PAK4: variants seen among roughly 807,000 people sequenced by gnomAD.
PAK4 encodes the protein serine/threonine-protein kinase PAK 4.
Under a neutral mutation model 53.5 loss-of-function variants are expected in PAK4, and 49 were observed. That is an observed-to-expected ratio of 0.92 (90% CI 0.73 to 1.16). The LOEUF (loss-of-function observed/expected upper bound fraction) is 1.16, where lower values mean the gene tolerates loss of function less well. Ranked by LOEUF, PAK4 falls within the 50% of genes most tolerant of loss-of-function variation. The pLI is 0.00. For synonymous variants in PAK4, 376 were observed against 375.6 expected (o/e 1.00, Z -0.01); for missense variants, 824 against 850.7 (o/e 0.97, Z 0.39).
intron 1 of PAK4, among the ~76,000 whole-genome samples, chr19:39,138,680 C>T (rs1428813314): frequency 6.6e-6 from 1 of 152,234 alleles, no homozygotes; most frequent in Non-Finnish European, 1.5e-5. Context: ...CCATTCTCTG[C>T]TTCTTCCCTG....
intron 1 of PAK4, among the ~76,000 whole-genome samples, chr19:39,153,510 C>T (rs375953557): frequency 6.6e-6 from 1 of 152,192 alleles, no homozygotes; most frequent in African/African-American, 2.4e-5. Context: ...GGCACCATCT[C>T]GGCTCACTGC....
At position 39,175,957 on chromosome 19, in the gene PAK4, G is replaced by T. The variant is rs1288621094; in HGVS notation, c.1359+519G>T. On this transcript the variant is annotated intron_variant, in intron 6 of 8. Coordinates refer to ENST00000358301, the Ensembl canonical transcript of PAK4. This position sits in a 1 kb window ranked among gnomAD's most constrained non-coding sequence, Gnocchi z 4.7. ...AGATTAAGCCACACCATTAGTCCAG[G>T]CAGAGGCAGAGAGAGCTCTGTGTCA... is the stretch of plus-strand genomic sequence containing the variant. Among the ~76,000 whole-genome samples the T allele has an allele frequency of 6.6e-6, 1 of 152,234 alleles. No individual in the cohort carries two copies. The highest frequency in any genetic ancestry group is 1.5e-5 in the Non-Finnish European group (1 of 68,042).
intron 1 of PAK4, among the ~76,000 whole-genome samples, chr19:39,129,001 C>T (rs1488182878): frequency 6.6e-6 from 1 of 152,188 alleles, no homozygotes; most frequent in Admixed American, 6.5e-5. Flanking sequence ...CAGGGGCTGA[C>T]GACTGTTGTT....
chr19:39,139,204 G>A (rs184737715), intron 1 of PAK4, among the ~76,000 whole-genome samples: 1 of 152,316 alleles, frequency 6.6e-6, no homozygotes, highest in Admixed American at 6.5e-5. Context: ...TTAAAGGTCA[G>A]CACCTCTGGG....
intron 1 of PAK4, among the ~76,000 whole-genome samples, chr19:39,149,566 A>C (rs1351506542): frequency 6.6e-6 from 1 of 152,090 alleles, no homozygotes; most frequent in Non-Finnish European, 1.5e-5. Flanking sequence ...TTTAAAATAT[A>C]TGTATATAGG....
intron 1 of PAK4, among the ~76,000 whole-genome samples, chr19:39,141,761 G>A (rs1448735386): frequency 6.6e-6 from 1 of 151,994 alleles, no homozygotes; most frequent in Non-Finnish European, 1.5e-5. Context: ...TCAGCCTCCC[G>A]AGTAGCTGGG....
intron 1 of PAK4, among the ~76,000 whole-genome samples, chr19:39,147,424 A>T (rs1420739825): frequency 6.6e-6 from 1 of 152,008 alleles, no homozygotes; most frequent in African/African-American, 2.4e-5. Flanking sequence ...GGTTTTTCTA[A>T]TTTTTTGGCT....
intron 1 of PAK4, among the ~76,000 whole-genome samples, chr19:39,136,710 A>G (rs570438873): frequency 1.3e-5 from 2 of 152,208 alleles, no homozygotes; most frequent in East Asian, 1.9e-4. Flanking sequence ...GCCCCTTGCT[A>G]TGTTCTCAGG....
downstream of PAK4, chr19:39,179,418 T>A (rs781193264): frequency 2.3e-5 from 3 of 130,150 alleles, no homozygotes; most frequent in Non-Finnish European, 5.2e-5. Flanking sequence ...CTGTGTGCGA[T>A]GTGTGGGGGG....
chr19:39,155,022 T>C (rs692468), intron 1 of PAK4, among the ~76,000 whole-genome samples: 93,754 of 152,078 alleles, frequency 0.62, 29,139 homozygotes, highest in East Asian at 0.82. Flanking sequence ...CATCTGCCCT[T>C]GAGGAGTTGG....
At chr19:39,141,555 A>G (rs573226677) in intron 1 of PAK4, among the ~76,000 whole-genome samples, 1 of 151,986 alleles carries the variant, frequency 6.6e-6, no homozygotes, top group Non-Finnish European at 1.5e-5. Context: ...ACCTCAAGTG[A>G]TATAACCATC....
chr19:39,137,349 A>G (rs1256182320), intron 1 of PAK4, among the ~76,000 whole-genome samples: 4 of 151,878 alleles, frequency 2.6e-5, no homozygotes, highest in Admixed American at 2.6e-4. Context: ...TAGATCCGGG[A>G]AGCTCTTCAG....
At chr19:39,159,547 A>G (rs1259286000) in intron 1 of PAK4, among the ~76,000 whole-genome samples, 1 of 152,046 alleles carries the variant, frequency 6.6e-6, no homozygotes, top group East Asian at 1.9e-4. Flanking sequence ...CACCACGCCC[A>G]GCTAATTTTT....
intron 6 of PAK4, 43 bp from the exon 8 acceptor site, chr19:39,176,547 C>G: frequency 6.2e-7 from 1 of 1,612,630 alleles, no homozygotes; most frequent in East Asian, 2.2e-5. Flanking sequence ...CGCCCTCCTG[C>G]TGTGCCAGCT....
At chr19:39,140,780 T>G (rs2073896734) in intron 1 of PAK4, among the ~76,000 whole-genome samples, 2 of 152,168 alleles carry the variant, frequency 1.3e-5, no homozygotes, top group African/African-American at 4.8e-5. Flanking sequence ...CACAGCATCC[T>G]CTGACCTTGG....
At chr19:39,150,024 C>G (rs2074067336) in intron 1 of PAK4, among the ~76,000 whole-genome samples, 1 of 152,098 alleles carries the variant, frequency 6.6e-6, no homozygotes. Context: ...GGTTATACAA[C>G]ATTGTGGATA....
intron 1 of PAK4, among the ~76,000 whole-genome samples, chr19:39,128,989 A>G (rs1178343196): frequency 6.6e-6 from 1 of 152,270 alleles, no homozygotes; most frequent in Non-Finnish European, 1.5e-5. Context: ...TCTTATGGCC[A>G]GCAGGGGCTG....
At chr19:39,157,271 C>A (rs971184441) in intron 1 of PAK4, among the ~76,000 whole-genome samples, 7 of 151,888 alleles carry the variant, frequency 4.6e-5, no homozygotes, top group African/African-American at 1.7e-4. Context: ...TTCCTAGGTG[C>A]GTGTGTGTCC....
At chr19:39,152,602 G>C (rs1337716047) in intron 1 of PAK4, among the ~76,000 whole-genome samples, 3 of 152,180 alleles carry the variant, frequency 2.0e-5, no homozygotes, top group Non-Finnish European at 4.4e-5. Context: ...TTGCGAAGAA[G>C]GGAAAGAATT....
Sources: allele counts gnomAD v4.1 joint callset (sites outside exome capture counted in the v4.1 genomes callset), GRCh38; gene constraint gnomAD v4.1.1; non-coding constraint Gnocchi (gnomAD v3.1); transcripts MANE v1.5; gene names NCBI Gene and HGNC (gene_info 2026-07-23, HGNC 2026-07-21).